ST3GAL3: variants seen among roughly 807,000 people sequenced by gnomAD.
ST3GAL3 encodes the protein ST3 beta-galactoside alpha-2,3-sialyltransferase 3, also known as CMP-N-acetylneuraminate-beta-1,4-galactoside alpha-2,3-sialyltransferase.
Under a neutral mutation model 50.1 loss-of-function variants are expected in ST3GAL3, and 21 were observed. The ratio of observed to expected loss-of-function variants is 0.42; its 90% CI spans 0.30 to 0.60. The LOEUF (loss-of-function observed/expected upper bound fraction) is 0.60, where lower values mean the gene tolerates loss of function less well. Ranked by LOEUF, ST3GAL3 falls within the 20% of genes least tolerant of loss-of-function variation. ST3GAL3 has a pLI of 0.19. For missense variants in ST3GAL3, 353 were observed against 489.4 expected, an observed-to-expected ratio of 0.72 and a Z score of 2.63; for synonymous variants, 183 against 190.0, an observed-to-expected ratio of 0.96 and a Z score of 0.30.
At chr1:43,738,539 C>T (rs1187142922) in intron 2 of ST3GAL3, 1 of 151,660 alleles carries the variant, frequency 6.6e-6, no homozygotes, top group Admixed American at 6.6e-5. Context: ...CTCTGTTGCC[C>T]AGGCCAGAGT....
intron 3 of ST3GAL3, among the ~76,000 whole-genome samples, chr1:43,803,481 C>A (rs1038142048): frequency 3.9e-5 from 6 of 152,232 alleles, no homozygotes; most frequent in Admixed American, 6.5e-5. Flanking sequence ...TCTGAATTCT[C>A]ACAGACTTTG....
chr1:43,807,584 A>C (rs925251884), intron 3 of ST3GAL3, among the ~76,000 whole-genome samples: 1 of 152,196 alleles, frequency 6.6e-6, no homozygotes, highest in Non-Finnish European at 1.5e-5. Flanking sequence ...TATCTTACAG[A>C]AAGATAGCTC....
chr1:43,851,682 G>A lies in ST3GAL3; in HGVS notation c.302+13371G>A, dbSNP rs2067333396. 3.0e-6 allele frequency: 4 copies of A among 1,330,346 alleles called. No homozygotes were observed. The South Asian group carries it at 4.8e-5, about 16-fold the overall frequency. 82.4% of individuals were successfully genotyped at this position (1,330,346 alleles called of 1,614,324 possible). ...AGGGGCTGCGCCAGCATCTTGTCAT[G>A]TGAGGACCACAGGTCAGCATCCTTG... On this transcript the variant is annotated intron_variant, in intron 5 of 11. Coordinates refer to ENST00000347631, the MANE Select transcript of ST3GAL3 (RefSeq NM_006279.5).
At chr1:43,731,394 T>A (rs1675729732) in intron 1 of ST3GAL3, among the ~76,000 whole-genome samples, 1 of 137,584 alleles carries the variant, frequency 7.3e-6, no homozygotes. Context: ...TTTTTTTTTT[T>A]TTTTTTTTGA....
intron 4 of ST3GAL3, among the ~76,000 whole-genome samples, chr1:43,825,471 C>T (rs368675921): frequency 9.2e-5 from 14 of 152,220 alleles, no homozygotes; most frequent in African/African-American, 3.4e-4. Context: ...ACTTCCTATA[C>T]ATTATATTGA....
chr1:43,914,437 C>A (rs1361878475), intron 9 of ST3GAL3: 1 of 152,140 alleles, frequency 6.6e-6, no homozygotes, highest in Non-Finnish European at 1.5e-5. Context: ...CTCAGACTTC[C>A]AGAGGCGGGA....
At chr1:43,745,567 G>A (rs945719338) in intron 2 of ST3GAL3, among the ~76,000 whole-genome samples, 4 of 152,190 alleles carry the variant, frequency 2.6e-5, no homozygotes, top group African/African-American at 9.7e-5. Flanking sequence ...GACCACATAT[G>A]CAAAAGTGGT....
intron 2 of ST3GAL3, chr1:43,771,768 G>GTA: frequency 2.8e-6 from 1 of 362,960 alleles, no homozygotes; most frequent in Non-Finnish European, 4.9e-6. Context: ...GTGTGTGTGT[G>GTA]TGTATAGTAT....
intron 2 of ST3GAL3, among the ~76,000 whole-genome samples, chr1:43,790,796 A>AG (rs1221060825): frequency 4.4e-4 from 64 of 147,058 alleles, no homozygotes; most frequent in African/African-American, 8.3e-4. Context: ...ACGCCCAGCT[A>AG]ATTTTTTTTT....
chr1:43,905,907 C>T (rs189811146), intron 9 of ST3GAL3, among the ~76,000 whole-genome samples: 194 of 129,676 alleles, frequency 1.5e-3, no homozygotes, highest in African/African-American at 5.6e-3. Flanking sequence ...TCACCTCCTC[C>T]TGTTCCTCTT....
intron 5 of ST3GAL3, among the ~76,000 whole-genome samples, chr1:43,873,826 A>G (rs1380404206): frequency 6.6e-6 from 1 of 151,662 alleles, no homozygotes; most frequent in African/African-American, 2.4e-5. Context: ...TAAAAATACA[A>G]AAAGAAGGCA....
rs770864683 is a variant in ST3GAL3 at position 43,736,446 on chromosome 1, G to A, written c.118+66G>A. 6 of 1,613,780 alleles carry A rather than the reference G, an allele frequency of 3.7e-6. No homozygotes were observed. In the African/African-American group the frequency reaches 8.0e-5, roughly 22 times the overall value. ...TGCAGGTCAGTTACTGGTTTTTCGTGTGGCTGCGTCTCATATTCTTCAGAG... is the reference window on the plus strand; with the variant it reads ...TGCAGGTCAGTTACTGGTTTTTCGTATGGCTGCGTCTCATATTCTTCAGAG... On this transcript the variant is annotated intron_variant, in intron 2 of 11. Coordinates refer to ENST00000347631, the MANE Select transcript of ST3GAL3 (RefSeq NM_006279.5).
chr1:43,837,859 G>A (rs2064642138), intron 4 of ST3GAL3, among the ~76,000 whole-genome samples: 1 of 152,018 alleles, frequency 6.6e-6, no homozygotes, highest in African/African-American at 2.4e-5. Context: ...TACCATCCAG[G>A]GGCCTGACTT....
chr1:43,735,438 G>A (rs1571766560), intron 1 of ST3GAL3, among the ~76,000 whole-genome samples: 2 of 152,218 alleles, frequency 1.3e-5, no homozygotes, highest in South Asian at 4.1e-4. Context: ...AAGAGTGAGA[G>A]AGCCTGAAGG....
Position 43,817,901 on chromosome 1 carries a change from T to A in ST3GAL3, c.209+2968T>A, listed in dbSNP as rs1010574072. 1.1e-4 allele frequency among the ~76,000 whole-genome samples: 17 copies of A among 151,550 alleles called. 1 individual carries two copies. The highest frequency in any genetic ancestry group is 4.1e-4 in the African/African-American group (17 of 41,344). On this transcript the variant is annotated intron_variant, in intron 4 of 11. Transcript: ENST00000347631. Reference sequence around the variant, plus strand: ...CCTCCTCCTTCTTTCTTCTTTCTTTTTTCTTCTTCTTTTGGTACAGACAGG... The same window carrying A: ...CCTCCTCCTTCTTTCTTCTTTCTTTATTCTTCTTCTTTTGGTACAGACAGG...
At chr1:43,860,424 T>C (rs1044358538) in intron 5 of ST3GAL3, among the ~76,000 whole-genome samples, 6 of 152,154 alleles carry the variant, frequency 3.9e-5, no homozygotes, top group African/African-American at 1.4e-4. Context: ...CTAACTCTCA[T>C]AGAGATGCAT....
At chr1:43,851,134 G>C in intron 5 of ST3GAL3, 1 of 1,166,058 alleles carries the variant, frequency 8.6e-7, no homozygotes, top group Non-Finnish European at 1.3e-6. Context: ...AGGAGCAGCT[G>C]GTTCCTGCAC....
At chr1:43,927,990 A>G (rs2084313891) in intron 11 of ST3GAL3, among the ~76,000 whole-genome samples, 2 of 152,186 alleles carry the variant, frequency 1.3e-5, no homozygotes, top group Admixed American at 1.3e-4. Context: ...GTTGAAGGGA[A>G]TGCTCAGAGA....
In ST3GAL3 at chr1:43,899,874, A is replaced by C. The variant is rs1462575439; in HGVS notation, c.744+147A>C. 4 of 848,944 alleles carry C rather than the reference A, an allele frequency of 4.7e-6. No individual in the cohort carries two copies. In the Admixed American group the frequency reaches 8.0e-5, roughly 17 times the overall value. The allele number at this position is 848,944 out of a possible 1,614,324, so 52.6% of individuals were successfully genotyped here. ...CCAAAGCCGAAATCACCCAATGGCA[A>C]CCAGGGGGCAAAGAGGTCAGGAGAT... On this transcript the variant is annotated intron_variant, in intron 9 of 11. Coordinates refer to ENST00000347631, the MANE Select transcript of ST3GAL3 (RefSeq NM_006279.5). This position sits in a 1 kb window ranked among gnomAD's most constrained non-coding sequence, Gnocchi z 5.4.
Sources: gnomAD v4.1 joint callset for allele counts (sites outside exome capture counted in the v4.1 genomes callset) on GRCh38, gnomAD v4.1.1 for gene constraint, Gnocchi (gnomAD v3.1) non-coding constraint, MANE v1.5 for transcripts, NCBI Gene and HGNC (gene_info 2026-07-23, HGNC 2026-07-21) for gene names.